SGCD: variants seen among roughly 807,000 people sequenced by gnomAD.
SGCD encodes sarcoglycan delta.
A neutral mutation model predicts 36.6 loss-of-function variants in SGCD; 18 were observed. That is an observed-to-expected ratio of 0.49 (90% CI 0.34 to 0.73). The LOEUF is 0.73. SGCD is among the 30% of genes least tolerant of loss of function. The pLI, the probability that SGCD is intolerant of heterozygous loss-of-function variation, is 0.01. For synonymous variants in SGCD, 133 were observed against 130.6 expected (o/e 1.02, Z -0.12); for missense variants, 387 against 346.7 (o/e 1.12, Z -0.92).
chr5:156,348,290 C>A (rs1504944), intron 3 of SGCD, among the ~76,000 whole-genome samples: 1 of 151,788 alleles, frequency 6.6e-6, no homozygotes, highest in Non-Finnish European at 1.5e-5. Context: ...AAAGGGCATC[C>A]AAATTGGGAA....
intron 1 of SGCD, among the ~76,000 whole-genome samples, chr5:155,989,116 G>T (rs565832324): frequency 6.6e-6 from 1 of 152,046 alleles, no homozygotes; most frequent in African/African-American, 2.4e-5. Context: ...AATCCATTTC[G>T]GGACTTGTAG....
At chr5:156,430,315 CT>C (rs1773878904) in intron 3 of SGCD, among the ~76,000 whole-genome samples, 1 of 151,984 alleles carries the variant, frequency 6.6e-6, no homozygotes, top group African/African-American at 2.4e-5. Context: ...AAACTTTCCA[CT>C]TTATTTTTTA....
At chr5:156,283,381 AGT>A (rs1766507952) in intron 3 of SGCD, among the ~76,000 whole-genome samples, 1 of 152,196 alleles carries the variant, frequency 6.6e-6, no homozygotes, top group Non-Finnish European at 1.5e-5. Flanking sequence ...ATAACACTGA[AGT>A]TTAACCATAT....
rs191457472 is a variant in SGCD, at chr5:156,736,303, A to G, written c.576-21278A>G. Reference sequence around the variant, plus strand: ...TTTATTGCAGTTTTGTTCATCCTGAATTAGAGCACAGAAAGCCATAGGATA... The same window carrying G: ...TTTATTGCAGTTTTGTTCATCCTGAGTTAGAGCACAGAAAGCCATAGGATA... On this transcript the variant is annotated intron_variant, in intron 7 of 8. Coordinates refer to ENST00000337851, the MANE Select transcript of SGCD (RefSeq NM_000337.6). Among the ~76,000 whole-genome samples, 18 of 152,284 alleles carry G rather than the reference A, an allele frequency of 1.2e-4. No homozygotes were observed. In the East Asian group the frequency reaches 3.5e-3, roughly 29 times the overall value.
chr5:156,377,086 T>A (rs909152308), intron 3 of SGCD, among the ~76,000 whole-genome samples: 28 of 152,220 alleles, frequency 1.8e-4, no homozygotes, highest in African/African-American at 6.5e-4. Context: ...AAAAAAGTCA[T>A]GTAAAATCCC....
chr5:156,451,074 C>T (rs1455657104), intron 3 of SGCD, among the ~76,000 whole-genome samples: 2 of 142,132 alleles, frequency 1.4e-5, no homozygotes, highest in African/African-American at 2.6e-5. Context: ...CCTCCCCTTG[C>T]CTCTCCTCCC....
At chr5:155,857,781 A>G in the SGCD span, among the ~76,000 whole-genome samples, 1 of 152,122 alleles carries the variant, frequency 6.6e-6, no homozygotes, top group South Asian at 2.1e-4. Context: ...TAGTGTCTAT[A>G]TATTTAAATT....
rs866105964 is a variant in SGCD, at chr5:156,116,952, C to A, written c.-281-926C>A. On this transcript the variant is annotated intron_variant, in intron 1 of 9. Coordinates refer to the SGCD transcript ENST00000517913. ...TAATTCTACTCCTCTGAGCCTCAGA[C>A]TCTTTGGGTTTACTCAACACATCAG... Among the ~76,000 whole-genome samples, 17 of 152,178 alleles carry A rather than the reference C, an allele frequency of 1.1e-4. 2 individuals carry two copies. In the South Asian group the frequency reaches 3.5e-3, roughly 32 times the overall value.
chr5:156,676,513 G>A (rs1311524853), intron 7 of SGCD, among the ~76,000 whole-genome samples: 1 of 152,118 alleles, frequency 6.6e-6, no homozygotes, highest in Non-Finnish European at 1.5e-5. Flanking sequence ...TGGTTTCAGG[G>A]GCTTTCTGGG....
intron 6 of SGCD, among the ~76,000 whole-genome samples, chr5:156,604,385 T>C (rs910201586): frequency 1.3e-5 from 2 of 152,002 alleles, no homozygotes; most frequent in Non-Finnish European, 2.9e-5. Flanking sequence ...TCCATTTACA[T>C]TCAAAGTTAT....
chr5:156,074,188 C>G (rs963252126), intron 1 of SGCD, among the ~76,000 whole-genome samples: 2 of 152,062 alleles, frequency 1.3e-5, no homozygotes, highest in African/African-American at 4.8e-5. Context: ...AGGCAGTGAC[C>G]CTTTGATCTC....
At position 156,343,504 on chromosome 5, in the gene SGCD, T is replaced by C. The variant is rs1365155533; in HGVS notation, c.4-985T>C. ...CTTTGTTATTTTCCAGTTTGAGTGA[T>C]AGGCATTTTCTAGCTTTATTTATAT... On this transcript the variant is annotated intron_variant, in intron 2 of 8. Coordinates refer to ENST00000337851, the MANE Select transcript of SGCD (RefSeq NM_000337.6). 5.3e-5 allele frequency among the ~76,000 whole-genome samples: 8 copies of C among 152,376 alleles called. No individual in the cohort carries two copies. In the South Asian group the frequency reaches 1.4e-3, roughly 28 times the overall value.
intron 3 of SGCD, among the ~76,000 whole-genome samples, chr5:156,253,297 C>T (rs529520585): frequency 5.9e-5 from 9 of 152,272 alleles, no homozygotes; most frequent in East Asian, 1.9e-4. Context: ...TTGCATATCA[C>T]GAGCCAACAT....
intron 4 of SGCD, among the ~76,000 whole-genome samples, chr5:156,542,542 A>T (rs1254475555): frequency 6.6e-6 from 1 of 152,192 alleles, no homozygotes; most frequent in Non-Finnish European, 1.5e-5. Context: ...GCCCTCTTTC[A>T]TATACTGCTA....
intron 1 of SGCD, among the ~76,000 whole-genome samples, chr5:156,071,275 T>C (rs1164970072): frequency 2.0e-5 from 3 of 152,234 alleles, no homozygotes; most frequent in African/African-American, 7.2e-5. Flanking sequence ...TTTAGTGTTA[T>C]AAATTTCCCT....
chr5:156,178,492 C>A (rs1008727603), intron 3 of SGCD, among the ~76,000 whole-genome samples: 3 of 152,338 alleles, frequency 2.0e-5, no homozygotes, highest in African/African-American at 7.2e-5. Context: ...AGTCTTTATA[C>A]ATATGCATCT....
chr5:156,030,277 T>G (rs1759316655), intron 1 of SGCD, among the ~76,000 whole-genome samples: 1 of 152,192 alleles, frequency 6.6e-6, no homozygotes, highest in Non-Finnish European at 1.5e-5. Context: ...TATTTGGAAA[T>G]AGGGTCTTTG....
chr5:155,786,772 G>A, the SGCD span, among the ~76,000 whole-genome samples: 1 of 152,176 alleles, frequency 6.6e-6, no homozygotes, highest in South Asian at 2.1e-4. Context: ...TTCTAGAAAT[G>A]AATGGCCTTT....
At chr5:156,673,156 T>A (rs1245362529) in intron 7 of SGCD, among the ~76,000 whole-genome samples, 1 of 152,244 alleles carries the variant, frequency 6.6e-6, no homozygotes, top group Non-Finnish European at 1.5e-5. Flanking sequence ...AGCATAAAGA[T>A]AAGTAACTGT....
Sources: gnomAD v4.1 joint callset for allele counts (sites outside exome capture counted in the v4.1 genomes callset) on GRCh38, gnomAD v4.1.1 for gene constraint, MANE v1.5 for transcripts, NCBI Gene and HGNC (gene_info 2026-07-23, HGNC 2026-07-21) for gene names.